The following VWC2L variants were observed in gnomAD, a reference collection of about 807,000 sequenced individuals.
VWC2L encodes von Willebrand factor C domain containing 2 like, also known as von Willebrand factor C domain-containing protein 2-like.
VWC2L carries 10 observed loss-of-function variants against 21.6 expected under a neutral mutation model. That is an observed-to-expected ratio of 0.46 (90% CI 0.29 to 0.78). VWC2L has a LOEUF of 0.78. Ranked by LOEUF, VWC2L falls within the 30% of genes least tolerant of loss-of-function variation. The probability of loss-of-function intolerance (pLI) is 0.10; values close to 1 mark genes in which losing one functional copy is unlikely to be tolerated. For missense variants in VWC2L, 209 were observed against 277.1 expected (o/e 0.75, Z 1.74); for synonymous variants, 96 against 94.3 (o/e 1.02, Z -0.10).
At chr2:214,527,016 G>T (rs1689349617) in intron 3 of VWC2L, among the ~76,000 whole-genome samples, 1 of 152,086 alleles carries the variant, frequency 6.6e-6, no homozygotes, top group South Asian at 2.1e-4. Context: ...TGTATAGGTG[G>T]TTCCGTGGTA....
chr2:214,534,692 A>G (rs964857942), intron 3 of VWC2L, among the ~76,000 whole-genome samples: 10 of 152,272 alleles, frequency 6.6e-5, no homozygotes, highest in African/African-American at 2.4e-4. Flanking sequence ...TCTAGGAAAC[A>G]TTAAGTTCTG....
intron 3 of VWC2L, among the ~76,000 whole-genome samples, chr2:214,558,915 C>T (rs993316470): frequency 2.0e-5 from 3 of 151,244 alleles, no homozygotes; most frequent in Admixed American, 1.3e-4. Flanking sequence ...TACATGTGCA[C>T]ATTGTGCAGG....
At chr2:214,483,431 T>A (rs543049849) in intron 3 of VWC2L, among the ~76,000 whole-genome samples, 32 of 151,810 alleles carry the variant, frequency 2.1e-4, no homozygotes, top group African/African-American at 7.7e-4. Context: ...AAAAAAGGAA[T>A]TTCAAAGATT....
At chr2:214,513,046 T>C (rs1689081616) in intron 3 of VWC2L, among the ~76,000 whole-genome samples, 1 of 152,070 alleles carries the variant, frequency 6.6e-6, no homozygotes, top group Non-Finnish European at 1.5e-5. Flanking sequence ...ACAGCCCTGT[T>C]GAAAAAGGAA....
chr2:214,557,787 A>G (rs1355763027), intron 3 of VWC2L, among the ~76,000 whole-genome samples: 1 of 152,114 alleles, frequency 6.6e-6, no homozygotes, highest in Non-Finnish European at 1.5e-5. Context: ...CCATCTAACA[A>G]CACAGAATTT....
At chr2:214,557,029 A>T (rs984564186) in intron 3 of VWC2L, among the ~76,000 whole-genome samples, 1 of 152,182 alleles carries the variant, frequency 6.6e-6, no homozygotes, top group African/African-American at 2.4e-5. Flanking sequence ...ATAAGGAAAC[A>T]GTGCGGGGTT....
At chr2:214,573,920 C>G (rs1362691423) in intron 3 of VWC2L, among the ~76,000 whole-genome samples, 1 of 152,172 alleles carries the variant, frequency 6.6e-6, no homozygotes, top group Non-Finnish European at 1.5e-5. Context: ...GCAGGTGGAT[C>G]GCCTGAGGTC....
intron 3 of VWC2L, among the ~76,000 whole-genome samples, chr2:214,542,777 A>C (rs1388812688): frequency 3.3e-5 from 5 of 152,174 alleles, no homozygotes; most frequent in African/African-American, 1.2e-4. Context: ...GGGGTGGTTA[A>C]AGCTAATGGC....
rs554825210 is a variant in VWC2L at position 214,464,366 on chromosome 2, G to A, written c.520+27608G>A. The stretch of plus-strand genomic sequence containing the variant: ...GTATTTGCATTAGAGGGTACCCCAA[G>A]ACCAGTAACACCGAGACTCTTGTGG... On this transcript the variant is annotated intron_variant, in intron 3 of 3. Transcript: ENST00000312504. 1.3e-4 allele frequency among the ~76,000 whole-genome samples: 20 copies of A among 152,246 alleles called. No homozygotes were observed. The East Asian group carries it at 3.9e-3, about 30-fold the overall frequency.
chr2:214,446,908 C>T (rs933303034), intron 3 of VWC2L, among the ~76,000 whole-genome samples: 1 of 152,118 alleles, frequency 6.6e-6, no homozygotes, highest in African/African-American at 2.4e-5. Context: ...TGGAGATAAT[C>T]GGACTCAAAA....
At chr2:214,556,592 A>G (rs1420023309) in intron 3 of VWC2L, among the ~76,000 whole-genome samples, 1 of 152,186 alleles carries the variant, frequency 6.6e-6, no homozygotes, top group Non-Finnish European at 1.5e-5. Context: ...ATTCCTTATG[A>G]GTTGGGTGCC....
At chr2:214,515,079 T>C (rs183167442) in intron 3 of VWC2L, among the ~76,000 whole-genome samples, 89 of 152,314 alleles carry the variant, frequency 5.8e-4, no homozygotes, top group African/African-American at 2.0e-3. Flanking sequence ...CTTTTGTTAA[T>C]ATAATGTTAA....
intron 3 of VWC2L, among the ~76,000 whole-genome samples, chr2:214,491,248 AT>A (rs1177342669): frequency 6.6e-6 from 1 of 152,186 alleles, no homozygotes; most frequent in Non-Finnish European, 1.5e-5. Flanking sequence ...GGATGTTTTA[AT>A]TTTCAATGGG....
chr2:214,421,425 A>G (rs1459718321), intron 2 of VWC2L, among the ~76,000 whole-genome samples: 2 of 152,192 alleles, frequency 1.3e-5, no homozygotes, highest in East Asian at 3.8e-4. Context: ...TTAGTTATAT[A>G]TAGGAGTAGT....
At chr2:214,556,030 CAG>C (rs1464367839) in intron 3 of VWC2L, among the ~76,000 whole-genome samples, 9 of 152,166 alleles carry the variant, frequency 5.9e-5, no homozygotes, top group Non-Finnish European at 1.3e-4. Context: ...CCAGCACACT[CAG>C]ATGAGCACAT....
In VWC2L at chr2:214,455,634, A is replaced by G. The variant is rs561119762; in HGVS notation, c.520+18876A>G. 2.0e-5 allele frequency among the ~76,000 whole-genome samples: 3 copies of G among 152,262 alleles called. No individual in the cohort carries two copies. The East Asian group carries it at 5.8e-4, about 29-fold the overall frequency. ...CCTTACTTTGCTGTCAAACATTAGA[A>G]CTTATTCCTTCTGTTTGTTTGTACC... On this transcript the variant is annotated intron_variant, in intron 3 of 3. Transcript: ENST00000312504.
At chr2:214,499,369 T>A (rs1200271433) in intron 3 of VWC2L, among the ~76,000 whole-genome samples, 2 of 151,952 alleles carry the variant, frequency 1.3e-5, no homozygotes, top group Non-Finnish European at 1.5e-5. Context: ...TCAGCAAAGT[T>A]TGAAAAACTG....
chr2:214,567,586 ACACACAC>A (rs1690085985), intron 3 of VWC2L, among the ~76,000 whole-genome samples: 1 of 146,692 alleles, frequency 6.8e-6, no homozygotes, highest in African/African-American at 2.5e-5. Context: ...ACACACACAC[ACACACAC>A]ACAGAGAGAG....
chr2:214,544,698 C>G (rs1012398725), intron 3 of VWC2L, among the ~76,000 whole-genome samples: 1 of 152,072 alleles, frequency 6.6e-6, no homozygotes, highest in Non-Finnish European at 1.5e-5. Context: ...AATTTGTTTT[C>G]TATAATAGGG....
Sources: allele counts gnomAD v4.1 joint callset (sites outside exome capture counted in the v4.1 genomes callset), GRCh38; gene constraint gnomAD v4.1.1; transcripts MANE v1.5; gene names NCBI Gene and HGNC (gene_info 2026-07-23, HGNC 2026-07-21).